Variants in DNAJC12 observed in about 807,000 individuals in gnomAD.
DNAJC12 encodes the protein dnaJ homolog subfamily C member 12.
A neutral mutation model predicts 28.5 loss-of-function variants in DNAJC12; 25 were observed. The ratio of observed to expected loss-of-function variants is 0.88; its 90% CI spans 0.64 to 1.22. DNAJC12 has a LOEUF of 1.22. DNAJC12 is among the 50% of genes most tolerant of loss of function. The pLI is 0.00. For missense variants in DNAJC12, 222 were observed against 231.7 expected, an observed-to-expected ratio of 0.96 and a Z score of 0.27; for synonymous variants, 77 against 80.6, an observed-to-expected ratio of 0.95 and a Z score of 0.24.
chr10:67,818,123 T>C (rs1475642845), intron 2 of DNAJC12, among the ~76,000 whole-genome samples: 1 of 77,422 alleles, frequency 1.3e-5, no homozygotes, highest in Non-Finnish European at 4.2e-5. Context: ...GAGAACTGCT[T>C]GAGCCTGGGA....
intron 1 of DNAJC12, chr10:67,833,815 C>T (rs904072124): frequency 8.0e-6 from 4 of 502,358 alleles, no homozygotes; most frequent in Admixed American, 6.5e-5. Context: ...GCAGGATTTG[C>T]AGGCCATTAT....
intron 1 of DNAJC12, among the ~76,000 whole-genome samples, chr10:67,836,401 C>T (rs1367489900): frequency 6.7e-6 from 1 of 150,244 alleles, no homozygotes; most frequent in African/African-American, 2.5e-5. Flanking sequence ...AAATAGGTCA[C>T]AAGATTATGG....
intron 2 of DNAJC12, among the ~76,000 whole-genome samples, chr10:67,819,726 G>T (rs1379082299): frequency 1.2e-3 from 22 of 18,804 alleles, no homozygotes; most frequent in African/African-American, 4.4e-3. Flanking sequence ...AAGCAAGGAA[G>T]GAAGGAAGGA....
At chr10:67,797,889 A>G (rs1841693169) in intron 4 of DNAJC12, among the ~76,000 whole-genome samples, 1 of 151,900 alleles carries the variant, frequency 6.6e-6, no homozygotes, top group Non-Finnish European at 1.5e-5. Context: ...AAATACAAAA[A>G]ATTAGCCGGG....
Position 67,838,076 on chromosome 10 carries a change from G to T in DNAJC12, c.-65C>A. 9.2e-7 allele frequency: 1 copy of T among 1,090,872 alleles called. No individual in the cohort carries two copies. Among genetic ancestry groups the T allele is most frequent in the Non-Finnish European group, 1.4e-6 (1 of 730,540 alleles). 67.6% of individuals were successfully genotyped at this position (1,090,872 alleles called of 1,614,324 possible). ...AGGCACAGTGAGCTTCGAATTAACA[G>T]GAAGAAACTCTTTAAATCTGAATTA... On this transcript the variant is annotated 5_prime_UTR_variant, in exon 1 of 5. It adds an upstream start codon to the 5' untranslated region. Coordinates refer to ENST00000225171, the MANE Select transcript of DNAJC12 (RefSeq NM_021800.3).
chr10:67,837,798 A>T (rs1842154265), intron 1 of DNAJC12, 136 bp downstream of exon 1: 1 of 591,346 alleles, frequency 1.7e-6, no homozygotes. Context: ...CTGAGCCAAA[A>T]GTGCTTTAAA....
At chr10:67,819,703 G>T (rs143528247) in intron 2 of DNAJC12, among the ~76,000 whole-genome samples, 1 of 31,478 alleles carries the variant, frequency 3.2e-5, no homozygotes, top group African/African-American at 1.2e-4. Context: ...AGAAAGGAAG[G>T]AAGGAAGGAA....
rs1046179739 is a variant in DNAJC12, at chr10:67,798,131, G to A, written c.503-921C>T. 5.9e-5 allele frequency among the ~76,000 whole-genome samples: 9 copies of A among 151,498 alleles called. No individual in the cohort carries two copies. The East Asian group carries it at 1.4e-3, about 23-fold the overall frequency. On this transcript the variant is annotated intron_variant, in intron 4 of 4. Transcript: ENST00000225171. ...GGAAATAATAATGGATGCACCCAAC[G>A]ATTTAACTCTAAGGATGTTTATAAT...
intron 1 of DNAJC12, among the ~76,000 whole-genome samples, chr10:67,834,838 A>T (rs1017528873): frequency 1.4e-4 from 21 of 152,000 alleles, no homozygotes; most frequent in Admixed American, 3.3e-4. Context: ...CAAAAATTTA[A>T]AAAAAAAATC....
Position 67,817,857 on chromosome 10 carries a change from G to A in DNAJC12, c.157+5457C>T, listed in dbSNP as rs182645979. Among the ~76,000 whole-genome samples the A allele has an allele frequency of 7.4e-3, 1,116 of 151,792 alleles. 7 individuals are homozygous for A. Among genetic ancestry groups the A allele is most frequent in the Admixed American group, 0.016 (236 of 15,200 alleles). On this transcript the variant is annotated intron_variant, in intron 2 of 4. Transcript: ENST00000225171. ...TGTGCCACTGCACTCCAGTTCGGGC[G>A]ATAGAGCAAGACTCCATCCCCCCAA...
At chr10:67,827,272 A>ACCTACAGGCACGAGCCT (rs1842046068) in intron 1 of DNAJC12, among the ~76,000 whole-genome samples, 1 of 151,944 alleles carries the variant, frequency 6.6e-6, no homozygotes, top group South Asian at 2.1e-4. Context: ...CTGTAATCCC[A>ACCTACAGGCACGAGCCT]GTTACTCAGG....
chr10:67,836,560 A>G (rs1184201204), intron 1 of DNAJC12, among the ~76,000 whole-genome samples: 2 of 152,232 alleles, frequency 1.3e-5, no homozygotes, highest in Non-Finnish European at 2.9e-5. Context: ...TGAATAACAC[A>G]TGGTAAAAAT....
chr10:67,813,874 C>T (rs1373148893), intron 2 of DNAJC12, among the ~76,000 whole-genome samples: 1 of 151,270 alleles, frequency 6.6e-6, no homozygotes, highest in African/African-American at 2.4e-5. Context: ...AATGAAAAGA[C>T]ATCCCACGTT....
intron 2 of DNAJC12, among the ~76,000 whole-genome samples, chr10:67,818,119 T>G (rs1188433201): frequency 1.3e-5 from 1 of 78,686 alleles, no homozygotes; most frequent in East Asian, 2.1e-4. Context: ...GTGGGAGAAC[T>G]GCTTGAGCCT....
At chr10:67,817,700 A>C (rs1395906769) in intron 2 of DNAJC12, among the ~76,000 whole-genome samples, 2 of 105,496 alleles carry the variant, frequency 1.9e-5, no homozygotes, top group Non-Finnish European at 3.8e-5. Context: ...AACATGGTGA[A>C]ACCCCGTTTC....
intron 2 of DNAJC12, among the ~76,000 whole-genome samples, chr10:67,821,751 G>C (rs990223671): frequency 6.6e-6 from 1 of 152,106 alleles, no homozygotes; most frequent in Non-Finnish European, 1.5e-5. Context: ...ATGAAATGAT[G>C]GGGGCTTACC....
intron 2 of DNAJC12, chr10:67,815,906 ACC>A (rs1841911607): frequency 5.1e-6 from 2 of 393,904 alleles, no homozygotes; most frequent in Non-Finnish European, 8.9e-6. Context: ...GAAAAAAGAA[ACC>A]TTATCTTTCC....
chr10:67,822,265 A>G (rs1329607431), intron 2 of DNAJC12, among the ~76,000 whole-genome samples: 2 of 152,184 alleles, frequency 1.3e-5, no homozygotes, highest in African/African-American at 4.8e-5. Flanking sequence ...CCATGAGTGC[A>G]TAGTATCCTG....
chr10:67,831,193 T>C (rs114555338), intron 1 of DNAJC12, among the ~76,000 whole-genome samples: 1,644 of 152,240 alleles, frequency 0.011, 37 homozygotes, highest in African/African-American at 0.038. Flanking sequence ...GTCTCAAAAA[T>C]ACATACATAC....
Sources: allele counts gnomAD v4.1 joint callset (sites outside exome capture counted in the v4.1 genomes callset), GRCh38; gene constraint gnomAD v4.1.1; transcripts MANE v1.5; gene names NCBI Gene and HGNC (gene_info 2026-07-23, HGNC 2026-07-21).